The following ZBTB7C variants were observed in gnomAD, a reference collection of about 807,000 sequenced individuals.
ZBTB7C encodes the protein zinc finger and BTB domain-containing protein 7C.
ZBTB7C carries 8 observed loss-of-function variants against 25.7 expected under a neutral mutation model. The ratio of observed to expected loss-of-function variants is 0.31; its 90% CI spans 0.18 to 0.56. The LOEUF (loss-of-function observed/expected upper bound fraction) is 0.56, where lower values mean the gene tolerates loss of function less well. Among genes scored for constraint, ZBTB7C ranks in the 20% least tolerant of loss-of-function variants. ZBTB7C has a pLI of 0.91. For missense variants in ZBTB7C, 824 were observed against 855.2 expected, an observed-to-expected ratio of 0.96 and a Z score of 0.46; for synonymous variants, 394 against 369.0, an observed-to-expected ratio of 1.07 and a Z score of -0.78.
intron 1 of ZBTB7C, among the ~76,000 whole-genome samples, chr18:48,344,830 T>C (rs1177012921): frequency 6.6e-6 from 1 of 152,202 alleles, no homozygotes; most frequent in Non-Finnish European, 1.5e-5. Context: ...ACCATGAAGG[T>C]TGTGCTGTGG....
intron 1 of ZBTB7C, among the ~76,000 whole-genome samples, chr18:48,364,754 G>A (rs2047184750): frequency 6.6e-6 from 1 of 152,150 alleles, no homozygotes; most frequent in Non-Finnish European, 1.5e-5. Flanking sequence ...TCCTTCCAGA[G>A]GTATTGTATG....
chr18:48,259,299 G>A (rs1409348103), intron 2 of ZBTB7C, among the ~76,000 whole-genome samples: 1 of 126,308 alleles, frequency 7.9e-6, no homozygotes, highest in African/African-American at 3.6e-5. Flanking sequence ...AATGGGAAAA[G>A]GATAGTCTTT....
chr18:48,065,826 G>A (rs1180670357), intron 3 of ZBTB7C, among the ~76,000 whole-genome samples: 1 of 152,162 alleles, frequency 6.6e-6, no homozygotes, highest in African/African-American at 2.4e-5. Context: ...TGGAGAAGTG[G>A]TCTTATCAGA....
chr18:48,313,773 G>A lies in ZBTB7C; in HGVS notation c.-79+24401C>T, dbSNP rs1010953290. Among the ~76,000 whole-genome samples, 3 of 152,296 alleles carry A rather than the reference G, an allele frequency of 2.0e-5. No homozygotes were observed. In the East Asian group the frequency reaches 5.8e-4, roughly 29 times the overall value. ...TGTGGGGAGATTTCTCTGTGGGTGA[G>A]TAACATGGTTTGGATGTGCATCCCC... is the stretch of plus-strand genomic sequence containing the variant. On this transcript the variant is annotated intron_variant, in intron 2 of 4. Transcript: ENST00000590800.
chr18:48,270,192 A>G lies in ZBTB7C; in HGVS notation c.-79+67982T>C, dbSNP rs376584980. Among the ~76,000 whole-genome samples the G allele has an allele frequency of 9.9e-5, 15 of 151,868 alleles. No individual in the cohort carries two copies. The East Asian group carries it at 1.7e-3, about 18-fold the overall frequency. On this transcript the variant is annotated intron_variant, in intron 2 of 4. Transcript: ENST00000590800. ...GAGATAAGATACTAAATATGAGAGT[A>G]TACATCAATGAAAGAGGAAACTAAT...
At chr18:48,168,895 C>T (rs2041365036) in intron 3 of ZBTB7C, among the ~76,000 whole-genome samples, 1 of 152,220 alleles carries the variant, frequency 6.6e-6, no homozygotes, top group Non-Finnish European at 1.5e-5. Context: ...ACCCTCACCT[C>T]TCTGGAAGAT....
chr18:48,088,279 CAG>C (rs1598854764), intron 3 of ZBTB7C: 1 of 152,248 alleles, frequency 6.6e-6, no homozygotes, highest in East Asian at 1.9e-4. Context: ...AACCAAATGA[CAG>C]AGTCTTCAGC....
chr18:48,066,482 C>G (rs2037334862), intron 3 of ZBTB7C, among the ~76,000 whole-genome samples: 1 of 152,186 alleles, frequency 6.6e-6, no homozygotes, highest in South Asian at 2.1e-4. Flanking sequence ...GAGACCATAT[C>G]TGTAGATTAT....
intron 2 of ZBTB7C, among the ~76,000 whole-genome samples, chr18:48,291,267 C>A (rs2144687546): frequency 6.6e-6 from 1 of 152,166 alleles, no homozygotes; most frequent in Admixed American, 6.5e-5. Context: ...GTTTGTGGTT[C>A]CACAAACTCA....
intron 1 of ZBTB7C, among the ~76,000 whole-genome samples, chr18:48,354,545 C>T (rs1017135032): frequency 2.0e-5 from 3 of 152,154 alleles, no homozygotes; most frequent in Non-Finnish European, 4.4e-5. Context: ...TCACCATCCC[C>T]AAATATGCCT....
intron 3 of ZBTB7C, among the ~76,000 whole-genome samples, chr18:48,063,835 C>T (rs2037216866): frequency 6.6e-6 from 1 of 152,004 alleles, no homozygotes; most frequent in African/African-American, 2.4e-5. Context: ...TGCCAAATGC[C>T]TTTTTTGTAT....
chr18:48,284,867 A>AGT (rs2044993788), intron 2 of ZBTB7C, among the ~76,000 whole-genome samples: 1 of 151,004 alleles, frequency 6.6e-6, no homozygotes, highest in African/African-American at 2.4e-5. Flanking sequence ...TTGGTTTTAT[A>AGT]GTTATCTCAC....
chr18:48,367,939 A>G (rs1171583895), intron 1 of ZBTB7C, among the ~76,000 whole-genome samples: 1 of 151,070 alleles, frequency 6.6e-6, no homozygotes, highest in Non-Finnish European at 1.5e-5. Context: ...GGCAGTAATA[A>G]CATGGTGCCC....
intron 1 of ZBTB7C, among the ~76,000 whole-genome samples, chr18:48,354,865 C>T (rs887345701): frequency 3.4e-4 from 51 of 152,172 alleles, no homozygotes; most frequent in African/African-American, 1.1e-3. Context: ...CCACCAAGCA[C>T]GCCAATGCCC....
At chr18:48,301,323 C>A (rs925883492) in intron 2 of ZBTB7C, among the ~76,000 whole-genome samples, 1 of 152,070 alleles carries the variant, frequency 6.6e-6, no homozygotes, top group African/African-American at 2.4e-5. Context: ...TACAAAAATA[C>A]GAAAAATTAG....
At chr18:48,314,361 A>G (rs2045896090) in intron 2 of ZBTB7C, among the ~76,000 whole-genome samples, 4 of 152,210 alleles carry the variant, frequency 2.6e-5, no homozygotes, top group Admixed American at 2.6e-4. Context: ...CCAATGACAG[A>G]GTCCCCTCTT....
At chr18:48,286,110 G>A (rs1015691715) in intron 2 of ZBTB7C, among the ~76,000 whole-genome samples, 1 of 152,142 alleles carries the variant, frequency 6.6e-6, no homozygotes, top group African/African-American at 2.4e-5. Context: ...CAGACTTTTA[G>A]TCCCTCTTCT....
chr18:48,278,795 T>C (rs1490864647), intron 2 of ZBTB7C, among the ~76,000 whole-genome samples: 2 of 152,210 alleles, frequency 1.3e-5, no homozygotes, highest in Non-Finnish European at 2.9e-5. Flanking sequence ...TATTTAGGGC[T>C]GGTTTGCCAC....
At chr18:48,357,887 G>T (rs2047012156) in intron 1 of ZBTB7C, among the ~76,000 whole-genome samples, 1 of 152,236 alleles carries the variant, frequency 6.6e-6, no homozygotes, top group South Asian at 2.1e-4. Context: ...AAGTTTGGAT[G>T]CTTGTCCCCT....
Sources: gnomAD v4.1 joint callset for allele counts (sites outside exome capture counted in the v4.1 genomes callset) on GRCh38, gnomAD v4.1.1 for gene constraint, MANE v1.5 for transcripts, NCBI Gene and HGNC (gene_info 2026-07-23, HGNC 2026-07-21) for gene names.